Variants in CFTR observed in about 807,000 individuals in gnomAD.
The protein encoded by CFTR is CF transmembrane conductance regulator, also known as cystic fibrosis transmembrane conductance regulator.
CFTR carries 181 observed loss-of-function variants against 171.6 expected under a neutral mutation model. That is an observed-to-expected ratio of 1.05 (90% confidence interval 0.93 to 1.19). The LOEUF (loss-of-function observed/expected upper bound fraction) is 1.19. CFTR is among the 50% of genes most tolerant of loss of function. CFTR has a pLI of 0.00. For synonymous variants in CFTR, 583 were observed against 608.0 expected, an observed-to-expected ratio of 0.96 and a Z score of 0.60; for missense variants, 1,968 against 1,734.7, an observed-to-expected ratio of 1.13 and a Z score of -2.39.
rs397508791 is a variant in CFTR at position 117,535,412 on chromosome 7, G to C, written c.743+1G>C. On this transcript the variant is annotated splice_donor_variant, in intron 6 of 26. Coordinates refer to ENST00000003084, the MANE Select transcript of CFTR (RefSeq NM_000492.4). LOFTEE classifies it high-confidence loss of function. ...TAGGGAGAATGATGATGAAGTACAGGTAGCAACCTATTTTCATAACTTGAA... is the reference window on the plus strand; with the variant it reads ...TAGGGAGAATGATGATGAAGTACAGCTAGCAACCTATTTTCATAACTTGAA... The C allele has an allele frequency of 5.0e-6, 8 of 1,613,816 alleles. No individual in the cohort carries two copies. Among genetic ancestry groups the C allele is most frequent in the Non-Finnish European group, 6.8e-6 (8 of 1,179,876 alleles).
Position 117,536,576 on chromosome 7 carries a change from A to G in CFTR, c.772A>G (p.Arg258Gly), listed in dbSNP as rs191456345. 9.5e-5 allele frequency: 153 copies of G among 1,602,530 alleles called. No individual in the cohort carries two copies. Among genetic ancestry groups the G allele is most frequent in the Admixed American group, 7.3e-4 (43 of 59,120 alleles). The change falls in exon 7 of 27, where the codon AGA (arginine) becomes GGA (glycine). Residue 258 changes from arginine to glycine, a missense_variant. Coordinates refer to ENST00000003084, the MANE Select transcript of CFTR (RefSeq NM_000492.4). ...TCAGAGAGCTGGGAAGATCAGTGAAAGACTTGTGATTACCTCAGAAATGAT... is the reference window on the plus strand; with the variant it reads ...TCAGAGAGCTGGGAAGATCAGTGAAGGACTTGTGATTACCTCAGAAATGAT... Reference protein sequence around the residue: ...RDQRAGKISERLVITSEMIEN... With the variant: ...RDQRAGKISEGLVITSEMIEN...
intron 1 of CFTR, among the ~76,000 whole-genome samples, chr7:117,500,343 A>C (rs1367971042): frequency 7.2e-6 from 1 of 139,774 alleles, no homozygotes; most frequent in East Asian, 2.2e-4. Context: ...CTGGAGTGCA[A>C]TGGCACAATC....
chr7:117,508,947 G>A, intron 2 of CFTR, 87 bp from the exon 3 acceptor site: 1 of 857,456 alleles, frequency 1.2e-6, no homozygotes, highest in South Asian at 1.3e-5. Context: ...GGATATACTT[G>A]TGTGAATCAA....
At chr7:117,500,167 T>C (rs1351211331) in intron 1 of CFTR, among the ~76,000 whole-genome samples, 1 of 152,070 alleles carries the variant, frequency 6.6e-6, no homozygotes, top group Admixed American at 6.5e-5. Flanking sequence ...TTGCACTAAC[T>C]AATATTTCAT....
chr7:117,602,700 A>G, intron 15 of CFTR, 126 bp from the exon 16 acceptor site: 1 of 844,498 alleles, frequency 1.2e-6, no homozygotes, highest in Admixed American at 1.7e-5. Context: ...GCAAAGGAAG[A>G]TGAAATTGTG....
intron 10 of CFTR, among the ~76,000 whole-genome samples, chr7:117,551,971 T>A (rs1799278547): frequency 6.6e-6 from 1 of 152,118 alleles, no homozygotes; most frequent in Non-Finnish European, 1.5e-5. Flanking sequence ...TTAGCTCACG[T>A]TTTTGCTTGC....
In CFTR at chr7:117,558,185, G is replaced by T. The variant is rs1444581164; in HGVS notation, c.1393-1279G>T. Among the ~76,000 whole-genome samples, 4 of 151,940 alleles carry T rather than the reference G, an allele frequency of 2.6e-5. No homozygotes were observed. The East Asian group carries it at 7.7e-4, about 29-fold the overall frequency. Reference sequence around the variant, plus strand: ...GTCTGTAGGCTATATGTATCTGTGAGTGTGTGTGTATATGTGTGTATTATG... The same window carrying T: ...GTCTGTAGGCTATATGTATCTGTGATTGTGTGTGTATATGTGTGTATTATG... On this transcript the variant is annotated intron_variant, in intron 10 of 26. Transcript: ENST00000003084.
chr7:117,513,109 A>T (rs1467195246), intron 3 of CFTR, among the ~76,000 whole-genome samples: 1 of 152,134 alleles, frequency 6.6e-6, no homozygotes, highest in Non-Finnish European at 1.5e-5. Flanking sequence ...AATATTACTG[A>T]CAGGAGGCAG....
Position 117,611,640 on chromosome 7 carries a change from G to C in CFTR, c.3199G>C (p.Ala1067Pro), listed in dbSNP as rs121909020. Residue 1067 changes from alanine (A) to proline (P), a missense_variant, in exon 20 of 27, where the codon GCC becomes CCC. Ala to Pro is a conservative substitution (Grantham distance 27, BLOSUM62 -1). Transcript: ENST00000003084. ...TSLKGLWTLRAFGRQPYFETL... is the reference protein window; with the variant it reads ...TSLKGLWTLRPFGRQPYFETL... Reference sequence around the variant, plus strand: ...CTTAAAAGGACTATGGACACTTCGTGCCTTCGGACGGCAGCCTTACTTTGA... The same window carrying C: ...CTTAAAAGGACTATGGACACTTCGTCCCTTCGGACGGCAGCCTTACTTTGA... 3 of 1,613,442 alleles carry C rather than the reference G, an allele frequency of 1.9e-6. No individual in the cohort carries two copies. In the African/African-American group the frequency reaches 4.0e-5, roughly 22 times the overall value.
At position 117,667,515 on chromosome 7, in the gene CFTR, G is replaced by T. The variant is rs921668119; in HGVS notation, c.*407G>T. ...GAAGAACTGAAATCATACTTCTTAG[G>T]GTTATGATTAAGTAATGATAACTGG... On this transcript the variant is annotated 3_prime_UTR_variant, in exon 27 of 27. Transcript: ENST00000003084. 3.2e-6 allele frequency: 1 copy of T among 308,834 alleles called. No homozygotes were observed. The highest frequency in any genetic ancestry group is 6.3e-6 in the Non-Finnish European group (1 of 159,306). 19.1% of individuals were successfully genotyped at this position (308,834 alleles called of 1,614,324 possible). A position where few individuals can be genotyped will look rare whatever the true frequency, so the allele number is the denominator to read the frequency against.
At chr7:117,660,764 G>A (rs944600689) in intron 24 of CFTR, among the ~76,000 whole-genome samples, 2 of 151,732 alleles carry the variant, frequency 1.3e-5, no homozygotes, top group Admixed American at 1.3e-4. Flanking sequence ...TGCTGCCACA[G>A]ATCACTAAAT....
intron 1 of CFTR, among the ~76,000 whole-genome samples, chr7:117,492,653 T>TA (rs548870799): frequency 9.2e-5 from 14 of 151,872 alleles, no homozygotes; most frequent in South Asian, 2.1e-4. Flanking sequence ...TACAGTAGTT[T>TA]AAAAAAAACA....
intron 11 of CFTR, among the ~76,000 whole-genome samples, chr7:117,585,980 A>C (rs183868114): frequency 6.6e-6 from 1 of 152,318 alleles, no homozygotes; most frequent in East Asian, 1.9e-4. Flanking sequence ...GATTTGAAAA[A>C]GGAAAAATGT....
intron 4 of CFTR, 66 bp downstream of exon 4, chr7:117,531,180 A>G: frequency 7.9e-7 from 1 of 1,261,836 alleles, no homozygotes; most frequent in Non-Finnish European, 1.1e-6. Context: ...TAATGTCATA[A>G]ATTAGGTAGT....
At chr7:117,588,801 G>C (rs1791985823) in intron 12 of CFTR, among the ~76,000 whole-genome samples, 1 of 152,088 alleles carries the variant, frequency 6.6e-6, no homozygotes. Flanking sequence ...AAGCCATACA[G>C]GAAAATGGTA....
Position 117,536,656 on chromosome 7 carries a change from G to A in CFTR, c.852G>A (p.Met284Ile). 1.2e-6 allele frequency: 2 copies of A among 1,611,400 alleles called. No individual in the cohort carries two copies. Among genetic ancestry groups the A allele is most frequent in the Non-Finnish European group, 1.7e-6 (2 of 1,178,918 alleles). ...AYCWEEAMEKMIENLRQTELK... is the reference protein window; with the variant it reads ...AYCWEEAMEKIIENLRQTELK... ...GCTGGGAAGAAGCAATGGAAAAAAT[G>A]ATTGAAAACTTAAGACAGTAAGTTG... The change falls in exon 7 of 27, where the codon ATG (methionine) becomes ATA (isoleucine). Residue 284 changes from methionine (M) to isoleucine (I), a missense_variant. Physicochemically the swap from Met to Ile is conservative, Grantham distance 10 (BLOSUM62 1). Coordinates refer to ENST00000003084, the MANE Select transcript of CFTR (RefSeq NM_000492.4).
At chr7:117,629,192 C>T (rs1792700058) in intron 22 of CFTR, among the ~76,000 whole-genome samples, 3 of 152,058 alleles carry the variant, frequency 2.0e-5, no homozygotes, top group Admixed American at 6.5e-5. Flanking sequence ...CAAAATAGGC[C>T]ATGCGTGTTC....
intron 24 of CFTR, among the ~76,000 whole-genome samples, chr7:117,660,701 CAT>C (rs566310911): frequency 6.4e-4 from 96 of 150,828 alleles, no homozygotes; most frequent in South Asian, 2.5e-3. Flanking sequence ...TATACACACA[CAT>C]ATATATATAC....
chr7:117,586,338 C>T, intron 11 of CFTR: 1 of 152,142 alleles, frequency 6.6e-6, no homozygotes, highest in Non-Finnish European at 1.5e-5. Context: ...TATTTTACTT[C>T]TCCAGTGCCT....
Sources: gnomAD v4.1 joint callset for allele counts (sites outside exome capture counted in the v4.1 genomes callset) on GRCh38, gnomAD v4.1.1 for gene constraint, MANE v1.5 for transcripts, NCBI Gene and HGNC (gene_info 2026-07-23, HGNC 2026-07-21) for gene names.